ZYG11A: variants seen among roughly 807,000 people sequenced by gnomAD.
The protein encoded by ZYG11A is protein zyg-11 homolog A.
A neutral mutation model predicts 77.2 loss-of-function variants in ZYG11A; 62 were observed. That is an observed-to-expected ratio of 0.80 (90% CI 0.65 to 0.99). The LOEUF (loss-of-function observed/expected upper bound fraction) is 0.99, where lower values mean the gene tolerates loss of function less well. Ranked by LOEUF, ZYG11A falls within the 50% of genes least tolerant of loss-of-function variation. The probability of loss-of-function intolerance (pLI) is 0.00; values close to 1 mark genes in which losing one functional copy is unlikely to be tolerated. For synonymous variants in ZYG11A, 315 were observed against 324.6 expected (o/e 0.97, Z 0.32); for missense variants, 828 against 896.8 (o/e 0.92, Z 0.98).
chr1:52,862,725 C>A (rs531979076), intron 4 of ZYG11A, among the ~76,000 whole-genome samples: 3 of 152,224 alleles, frequency 2.0e-5, no homozygotes, highest in African/African-American at 7.2e-5. Flanking sequence ...AAATTCTCGA[C>A]CTTTTTTTCC....
intron 5 of ZYG11A, 58 bp downstream of exon 5, chr1:52,864,215 C>T: frequency 6.7e-7 from 1 of 1,497,960 alleles, no homozygotes; most frequent in South Asian, 1.3e-5. Flanking sequence ...AGTCTCAGCT[C>T]TGTTGCCCAG....
Position 52,857,650 on chromosome 1 carries a change from A to T in ZYG11A, c.909A>T (p.Val303=). The change falls in exon 3 of 14, where the codon GTA becomes GTT. Residue 303 remains valine, a synonymous_variant. Coordinates refer to ENST00000371528, the MANE Select transcript of ZYG11A (RefSeq NM_001004339.3). ...GCAATTGCATCACTGATGAAGCTGT[A>T]GAACTGTTTATACGACTGCGGCCTG... is the stretch of plus-strand genomic sequence containing the variant. ...SGGNCITDEA[V]ELFIRLRPAM... The T allele has an allele frequency of 1.9e-6, 3 of 1,552,204 alleles. No individual in the cohort carries two copies. Among genetic ancestry groups the T allele is most frequent in the Non-Finnish European group, 2.6e-6 (3 of 1,147,104 alleles).
intron 13 of ZYG11A, among the ~76,000 whole-genome samples, 187 bp from the exon 14 acceptor site, chr1:52,892,595 T>A (rs533606101): frequency 6.6e-6 from 1 of 152,192 alleles, no homozygotes; most frequent in South Asian, 2.1e-4. Flanking sequence ...AAAATGAGCA[T>A]CTGTTACCTC....
chr1:52,851,361 G>A, intron 1 of ZYG11A, among the ~76,000 whole-genome samples: 1 of 151,620 alleles, frequency 6.6e-6, no homozygotes, highest in Non-Finnish European at 1.5e-5. Context: ...TTTCATATAT[G>A]TGTGCATATG....
chr1:52,881,885 A>G (rs1018072249), intron 11 of ZYG11A, among the ~76,000 whole-genome samples: 4 of 146,088 alleles, frequency 2.7e-5, no homozygotes, highest in Admixed American at 6.9e-5. Context: ...TTTTAAAACT[A>G]TTTACTTTAT....
chr1:52,857,887 A>T (rs576283448), intron 3 of ZYG11A, 138 bp downstream of exon 3: 13 of 611,804 alleles, frequency 2.1e-5, no homozygotes, highest in Non-Finnish European at 3.2e-5. Context: ...TTAATAATTA[A>T]TGATTATTAT....
chr1:52,843,182 G>C (rs1235556696), intron 1 of ZYG11A, among the ~76,000 whole-genome samples: 3 of 152,132 alleles, frequency 2.0e-5, no homozygotes, highest in Non-Finnish European at 4.4e-5. Flanking sequence ...CGCGGAGCGG[G>C]GGGTGCTTTT....
intron 6 of ZYG11A, among the ~76,000 whole-genome samples, chr1:52,866,801 C>T (rs1557442541): frequency 2.0e-5 from 3 of 152,234 alleles, no homozygotes; most frequent in South Asian, 4.2e-4. Context: ...CAAGATCTAG[C>T]CCTTCCATTA....
chr1:52,864,721 C>T (rs1333833072), intron 5 of ZYG11A, among the ~76,000 whole-genome samples: 2 of 151,566 alleles, frequency 1.3e-5, no homozygotes, highest in African/African-American at 4.8e-5. Context: ...CTCGGCTCAC[C>T]GCAACCTCCG....
intron 1 of ZYG11A, among the ~76,000 whole-genome samples, chr1:52,854,032 T>A (rs893509818): frequency 6.6e-6 from 1 of 152,226 alleles, no homozygotes; most frequent in East Asian, 1.9e-4. Context: ...TGCATCTGTA[T>A]TGAACATGTA....
intron 1 of ZYG11A, among the ~76,000 whole-genome samples, chr1:52,853,854 T>C (rs1645759110): frequency 6.6e-6 from 1 of 152,118 alleles, no homozygotes; most frequent in Non-Finnish European, 1.5e-5. Flanking sequence ...TGCATTCGGC[T>C]GTGATTGTGC....
rs1646566370 is a variant in ZYG11A at position 52,892,680 on chromosome 1, C to T, written c.2105-102C>T. ...ATCTGTTAATTCCTAGGCCAAAGAG[C>T]TTAAACCTTTGTATTGTTTCTTCAG... On this transcript the variant is annotated intron_variant, in intron 13 of 13. Transcript: ENST00000371528. 9 of 1,047,194 alleles carry T rather than the reference C, an allele frequency of 8.6e-6. No homozygotes were observed. In the Admixed American group the frequency reaches 2.1e-4, roughly 25 times the overall value. The allele number at this position is 1,047,194 out of a possible 1,614,324, so 64.9% of individuals were successfully genotyped here.
intron 10 of ZYG11A, among the ~76,000 whole-genome samples, chr1:52,879,335 G>A (rs150015364): frequency 6.6e-6 from 1 of 152,308 alleles, no homozygotes; most frequent in Admixed American, 6.5e-5. Flanking sequence ...ACAAGTGAGT[G>A]CTGCAAGAGA....
intron 11 of ZYG11A, among the ~76,000 whole-genome samples, chr1:52,884,234 C>T (rs111813961): frequency 0.52 from 78,157 of 151,034 alleles, 21,246 homozygotes; most frequent in Non-Finnish European, 0.61. Context: ...CGGTGGCTCA[C>T]GCCTGTAATC....
At chr1:52,876,789 T>C (rs747944504) in intron 8 of ZYG11A, among the ~76,000 whole-genome samples, 4 of 152,248 alleles carry the variant, frequency 2.6e-5, no homozygotes, top group Non-Finnish European at 4.4e-5. Context: ...GTCTCATTCT[T>C]CTTGAAAATA....
chr1:52,861,768 T>C (rs1296844110), intron 4 of ZYG11A, among the ~76,000 whole-genome samples: 1 of 152,112 alleles, frequency 6.6e-6, no homozygotes, highest in African/African-American at 2.4e-5. Flanking sequence ...AGAAAAACTC[T>C]GGGTCAGCTG....
intron 1 of ZYG11A, among the ~76,000 whole-genome samples, chr1:52,846,438 C>T (rs1398369915): frequency 6.7e-5 from 10 of 148,628 alleles, no homozygotes; most frequent in Admixed American, 1.4e-4. Context: ...CCACAACCTC[C>T]GCCTCCCAGG....
At chr1:52,851,515 A>T (rs1259086870) in intron 1 of ZYG11A, among the ~76,000 whole-genome samples, 3 of 151,574 alleles carry the variant, frequency 2.0e-5, no homozygotes. Flanking sequence ...CTCCTGCCTC[A>T]GCCTCCCGAG....
At chr1:52,870,381 G>T (rs1322032103) in intron 8 of ZYG11A, among the ~76,000 whole-genome samples, 2 of 151,298 alleles carry the variant, frequency 1.3e-5, no homozygotes, top group Non-Finnish European at 2.9e-5. Context: ...TCCAGACTGG[G>T]CAGCCAGGCA....
Sources: allele counts gnomAD v4.1 joint callset (sites outside exome capture counted in the v4.1 genomes callset), GRCh38; gene constraint gnomAD v4.1.1; transcripts MANE v1.5; gene names NCBI Gene and HGNC (gene_info 2026-07-23, HGNC 2026-07-21).